EYS: variants seen among roughly 807,000 people sequenced by gnomAD.
EYS encodes the protein EGF-like photoreceptor maintenance factor.
In EYS, 250 loss-of-function variants were observed where a neutral mutation model predicts 282.1. The ratio of observed to expected loss-of-function variants is 0.89; its 90% CI spans 0.80 to 0.98. The LOEUF (loss-of-function observed/expected upper bound fraction) is 0.98. EYS is among the 50% of genes least tolerant of loss of function. EYS has a pLI of 0.00. For synonymous variants in EYS, 1,355 were observed against 1,282.9 expected, an observed-to-expected ratio of 1.06 and a Z score of -1.20; for missense variants, 4,016 against 3,709.0, an observed-to-expected ratio of 1.08 and a Z score of -2.15.
chr6:65,622,084 T>G (rs1417208222), intron 2 of EYS, among the ~76,000 whole-genome samples: 1 of 152,182 alleles, frequency 6.6e-6, no homozygotes, highest in South Asian at 2.1e-4. Context: ...TTCCAGTTTA[T>G]GTCAGCAATA....
At chr6:63,814,774 A>G (rs1771137981) in intron 36 of EYS, among the ~76,000 whole-genome samples, 1 of 152,240 alleles carries the variant, frequency 6.6e-6, no homozygotes, top group African/African-American at 2.4e-5. Flanking sequence ...TATAGGTTCA[A>G]ATCATAATCA....
intron 26 of EYS, among the ~76,000 whole-genome samples, chr6:64,555,013 A>G (rs2149808075): frequency 1.3e-5 from 2 of 152,108 alleles, no homozygotes; most frequent in Middle Eastern, 6.8e-3. Flanking sequence ...CAATCCCTCT[A>G]CAAAGTATAT....
chr6:64,787,192 C>T (rs562152968), intron 22 of EYS, among the ~76,000 whole-genome samples: 4 of 152,228 alleles, frequency 2.6e-5, no homozygotes, highest in African/African-American at 4.8e-5. Flanking sequence ...CTCAGTAGTG[C>T]GTTCCTCATT....
In EYS at chr6:64,544,382, A is replaced by C. The variant is rs35421895; in HGVS notation, c.5644+45841T>G. On this transcript the variant is annotated intron_variant, in intron 26 of 42. Transcript: ENST00000503581. ...GGTTAAGATGGTAAAGAAGGAGCTG[A>C]GGACCAGTCAGAACACAGTAAAGGA... Among the ~76,000 whole-genome samples, 478 of 152,274 alleles carry C rather than the reference A, an allele frequency of 3.1e-3. 2 individuals carry two copies. Among genetic ancestry groups the C allele is most frequent in the Middle Eastern group, 6.8e-3 (2 of 294 alleles).
At chr6:65,334,872 T>C (rs889761258) in intron 11 of EYS, 108 bp downstream of exon 11, 2 of 1,005,752 alleles carry the variant, frequency 2.0e-6, no homozygotes, top group African/African-American at 3.2e-5. Context: ...GAAATTCCAA[T>C]CATTTTAATC....
rs776216679 is a variant in EYS, at chr6:64,997,667, T to C, written c.2174A>G (p.Tyr725Cys). The change falls in exon 14 of 43, where the codon TAT (tyrosine) becomes TGT (cysteine). Residue 725 changes from tyrosine to cysteine, a missense_variant. Tyr to Cys is a radical substitution (Grantham distance 194). Transcript: ENST00000503581. ...DGFSCLCNPG[Y>C]VGIRCEQDID... ...GTCCTGTTCACATCTTATCCCAACA[T>C]AGCCTGGATTGCATAAGCAGGAAAA... is the stretch of plus-strand genomic sequence containing the variant. 3 of 1,551,044 alleles carry C rather than the reference T, an allele frequency of 1.9e-6. No homozygotes were observed. The highest frequency in any genetic ancestry group is 2.4e-5 in the South Asian group (2 of 84,032).
chr6:64,699,569 A>G (rs1770709526), intron 22 of EYS, among the ~76,000 whole-genome samples: 12 of 152,138 alleles, frequency 7.9e-5, no homozygotes. Context: ...GTGAACAACT[A>G]TATATACCCA....
intron 41 of EYS, among the ~76,000 whole-genome samples, chr6:63,737,151 T>G (rs1346182658): frequency 6.6e-6 from 1 of 151,920 alleles, no homozygotes; most frequent in African/African-American, 2.4e-5. Context: ...AGAGAGGGCA[T>G]CCCTGTCTTG....
At chr6:64,126,582 T>C (rs1773794913) in intron 31 of EYS, among the ~76,000 whole-genome samples, 1 of 152,038 alleles carries the variant, frequency 6.6e-6, no homozygotes, top group Non-Finnish European at 1.5e-5. Flanking sequence ...AAATTCTTAT[T>C]TTCTCTGCCA....
At chr6:64,403,035 A>C (rs1056646994) in intron 28 of EYS, among the ~76,000 whole-genome samples, 1 of 152,192 alleles carries the variant, frequency 6.6e-6, no homozygotes, top group African/African-American at 2.4e-5. Context: ...GCTGTAAAAC[A>C]ATACTCAATA....
chr6:65,023,980 G>A (rs1176022893), intron 13 of EYS, among the ~76,000 whole-genome samples: 2 of 152,052 alleles, frequency 1.3e-5, no homozygotes, highest in Non-Finnish European at 2.9e-5. Context: ...AAAACAGAAC[G>A]TACTAGTCAA....
intron 5 of EYS, among the ~76,000 whole-genome samples, chr6:65,409,304 AGCC>A (rs1766881989): frequency 6.6e-6 from 1 of 152,162 alleles, no homozygotes; most frequent in Non-Finnish European, 1.5e-5. Context: ...TTAAGGCCCA[AGCC>A]TGGGGTACCC....
intron 2 of EYS, among the ~76,000 whole-genome samples, chr6:65,577,301 T>C (rs1370698001): frequency 6.6e-6 from 1 of 151,788 alleles, no homozygotes; most frequent in East Asian, 1.9e-4. Context: ...TAAATTTATT[T>C]TTGACAAAAT....
chr6:65,619,942 T>C (rs1766403179), intron 2 of EYS, among the ~76,000 whole-genome samples: 4 of 151,760 alleles, frequency 2.6e-5, no homozygotes, highest in South Asian at 4.2e-4. Context: ...GATGTGCTGC[T>C]GGATTCGGTT....
intron 31 of EYS, among the ~76,000 whole-genome samples, chr6:64,175,316 A>G (rs1764593773): frequency 6.6e-6 from 1 of 152,178 alleles, no homozygotes; most frequent in Non-Finnish European, 1.5e-5. Flanking sequence ...GCAAAGCCTC[A>G]GACAAAAGCT....
intron 12 of EYS, among the ~76,000 whole-genome samples, chr6:65,073,404 CTG>C (rs1398625680): frequency 2.6e-5 from 4 of 151,676 alleles, no homozygotes; most frequent in Non-Finnish European, 5.9e-5. Flanking sequence ...TTAGCCCTCT[CTG>C]AAGTATATCC....
intron 12 of EYS, among the ~76,000 whole-genome samples, chr6:65,103,655 C>T (rs1215890278): frequency 6.6e-6 from 1 of 151,466 alleles, no homozygotes; most frequent in Non-Finnish European, 1.5e-5. Context: ...AGGTGACCCA[C>T]AAAGTTCACT....
chr6:65,438,700 G>C (rs1384500590), intron 5 of EYS, among the ~76,000 whole-genome samples: 1 of 151,782 alleles, frequency 6.6e-6, no homozygotes, highest in Admixed American at 6.6e-5. Flanking sequence ...CTTTTTGATG[G>C]GGTTGTTTTT....
chr6:65,048,551 A>G (rs189217855), intron 13 of EYS, among the ~76,000 whole-genome samples: 18 of 151,846 alleles, frequency 1.2e-4, no homozygotes, highest in African/African-American at 3.9e-4. Context: ...TGACCATTCC[A>G]TATATACTTC....
Sources: gnomAD v4.1 joint callset for allele counts (sites outside exome capture counted in the v4.1 genomes callset) on GRCh38, gnomAD v4.1.1 for gene constraint, MANE v1.5 for transcripts, NCBI Gene and HGNC (gene_info 2026-07-23, HGNC 2026-07-21) for gene names.